Variants in ZFHX3 observed in about 807,000 individuals in gnomAD.
The protein encoded by ZFHX3 is zinc finger homeobox protein 3.
ZFHX3 carries 42 observed loss-of-function variants against 279.1 expected under a neutral mutation model. The ratio of observed to expected loss-of-function variants is 0.15; its 90% CI spans 0.12 to 0.19. The LOEUF is 0.19. Ranked by LOEUF, ZFHX3 falls within the 10% of genes least tolerant of loss-of-function variation. The probability of loss-of-function intolerance (pLI) is 1.00; values close to 1 mark genes in which losing one functional copy is unlikely to be tolerated. For missense variants in ZFHX3, 4,981 were observed against 4,754.0 expected (o/e 1.05, Z -1.40); for synonymous variants, 2,293 against 1,957.8 (o/e 1.17, Z -4.52).
intron 5 of ZFHX3, among the ~76,000 whole-genome samples, chr16:73,162,306 G>A (rs1263916148): frequency 2.6e-5 from 4 of 152,156 alleles, no homozygotes; most frequent in Admixed American, 2.6e-4. Flanking sequence ...CTGCACATGC[G>A]AGGGATCTAG....
chr16:73,778,661 C>A (rs1261986169), intron 1 of ZFHX3, among the ~76,000 whole-genome samples: 1 of 152,204 alleles, frequency 6.6e-6, no homozygotes, highest in African/African-American at 2.4e-5. Context: ...TGTGCCTCTG[C>A]ACAGCGCTAA....
intron 8 of ZFHX3, among the ~76,000 whole-genome samples, 159 bp downstream of exon 8, chr16:72,799,868 A>G (rs962454755): frequency 1.3e-5 from 2 of 152,226 alleles, no homozygotes; most frequent in African/African-American, 4.8e-5. Flanking sequence ...ACATGCCAAG[A>G]AGCAGAGTAT....
intron 1 of ZFHX3, among the ~76,000 whole-genome samples, chr16:73,032,686 GA>G (rs35908833): frequency 1.9e-4 from 28 of 146,480 alleles, no homozygotes; most frequent in African/African-American, 4.3e-4. Context: ...AAAAGAACAG[GA>G]AAAAAAAAAA....
At chr16:73,105,457 A>ATT (rs370445292) in intron 7 of ZFHX3, among the ~76,000 whole-genome samples, 1,857 of 120,486 alleles carry the variant, frequency 0.015, 77 homozygotes, top group African/African-American at 0.06. Flanking sequence ...ATATATATAT[A>ATT]TTTTTTCCCC....
intron 3 of ZFHX3, among the ~76,000 whole-genome samples, chr16:73,417,942 T>TCGCGCCACTG (rs2017625429): frequency 7.7e-6 from 1 of 129,356 alleles, no homozygotes; most frequent in South Asian, 2.4e-4. Context: ...TGAGCTGAGA[T>TCGCGCCACTG]CGCGCCACTG....
At chr16:73,020,588 A>G (rs570409527) in intron 1 of ZFHX3, among the ~76,000 whole-genome samples, 1 of 152,322 alleles carries the variant, frequency 6.6e-6, no homozygotes, top group Non-Finnish European at 1.5e-5. Flanking sequence ...TGACTTTGGC[A>G]GTGCTTGTCG....
chr16:73,261,692 T>TTTTTTG (rs61577479), intron 4 of ZFHX3, among the ~76,000 whole-genome samples: 1 of 128,826 alleles, frequency 7.8e-6, no homozygotes, highest in African/African-American at 2.8e-5. Context: ...TTTTTTTTTT[T>TTTTTTG]AGGACAGAGT....
chr16:72,958,757 C>T lies in ZFHX3; in HGVS notation c.1389G>A (p.Ala463=), dbSNP rs376777497. 86 of 1,613,908 alleles carry T rather than the reference C, an allele frequency of 5.3e-5. No individual in the cohort carries two copies. Among genetic ancestry groups the T allele is most frequent in the Non-Finnish European group, 6.8e-5 (80 of 1,180,008 alleles). The change falls in exon 2 of 10, where the codon GCG becomes GCA. Residue 463 remains alanine, a synonymous_variant. Coordinates refer to ENST00000268489, the MANE Select transcript of ZFHX3 (RefSeq NM_006885.4). The stretch of plus-strand genomic sequence containing the variant: ...CCTCTTCCTCCTCCTCTTCCTCCTC[C>T]GCCTCCTCTTCGGCTGGCTCTACCT... ...SEKVEPAEEE[A]EEEEEEEEAE... is the part of the protein sequence containing the mutation.
intron 2 of ZFHX3, among the ~76,000 whole-genome samples, chr16:73,592,741 GT>G (rs11333254): frequency 0.48 from 72,856 of 151,568 alleles, 19,939 homozygotes; most frequent in East Asian, 0.78. Context: ...TAATAAAAAG[GT>G]TTTTTTAAAT....
chr16:73,515,086 A>G (rs2019496489), intron 2 of ZFHX3, among the ~76,000 whole-genome samples: 1 of 152,218 alleles, frequency 6.6e-6, no homozygotes. Flanking sequence ...CCTTCCCAGA[A>G]TGTTTAGAGT....
intron 7 of ZFHX3, among the ~76,000 whole-genome samples, chr16:72,803,990 GA>G (rs2036190975): frequency 6.6e-6 from 1 of 152,166 alleles, no homozygotes; most frequent in African/African-American, 2.4e-5. Context: ...GGAAACTTGG[GA>G]AGAAACCATC....
At chr16:73,269,395 C>T (rs142911077) in intron 4 of ZFHX3, among the ~76,000 whole-genome samples, 1 of 152,288 alleles carries the variant, frequency 6.6e-6, no homozygotes, top group East Asian at 1.9e-4. Context: ...CTGCTTTTTC[C>T]ACAATGCCAT....
At chr16:73,225,376 G>A (rs1233956585) in intron 5 of ZFHX3, among the ~76,000 whole-genome samples, 2 of 152,132 alleles carry the variant, frequency 1.3e-5, no homozygotes, top group East Asian at 3.9e-4. Flanking sequence ...AGCACCTTGT[G>A]AGGCCGAGGT....
rs536129201 is a variant in ZFHX3, at chr16:73,849,488, A to T, written c.-1608+42163T>A. ...GTAAGTGATCGATTATACAATTTTA[A>T]AAAAGGATAACAGGGCCTGGTTTAA... On this transcript the variant is annotated intron_variant, in intron 1 of 17. Coordinates refer to the ZFHX3 transcript ENST00000641206. Among the ~76,000 whole-genome samples the T allele has an allele frequency of 2.0e-5, 3 of 152,332 alleles. No homozygotes were observed. In the South Asian group the frequency reaches 6.2e-4, roughly 32 times the overall value.
At chr16:73,469,332 G>C (rs995908973) in intron 2 of ZFHX3, among the ~76,000 whole-genome samples, 4 of 152,176 alleles carry the variant, frequency 2.6e-5, no homozygotes, top group Admixed American at 1.3e-4. Flanking sequence ...GGCCAGACAA[G>C]GTTCCTTGAA....
At chr16:73,482,251 A>T (rs775876325) in intron 2 of ZFHX3, among the ~76,000 whole-genome samples, 5 of 152,052 alleles carry the variant, frequency 3.3e-5, no homozygotes, top group Admixed American at 2.6e-4. Context: ...CCCAGTCCCT[A>T]CTCCTGCAGC....
rs916039198 is a variant in ZFHX3 at position 73,347,339 on chromosome 16, G to A, written c.-1290-29003C>T. ...TCTGCTCTCCAGGCCTGGATGCCCC[G>A]TAACAGGTATTCCTGCAGCCCACAA... On this transcript the variant is annotated intron_variant, in intron 3 of 17. Coordinates refer to the ZFHX3 transcript ENST00000641206. Among the ~76,000 whole-genome samples, 12 of 152,296 alleles carry A rather than the reference G, an allele frequency of 7.9e-5. No individual in the cohort carries two copies. The South Asian group carries it at 1.0e-3, about 13-fold the overall frequency.
intron 7 of ZFHX3, among the ~76,000 whole-genome samples, chr16:73,098,282 C>T (rs1344393635): frequency 6.6e-6 from 1 of 152,054 alleles, no homozygotes; most frequent in Admixed American, 6.6e-5. Flanking sequence ...ATTGGCCAGG[C>T]TGGTCTCGAA....
chr16:72,994,546 G>A (rs908777170), intron 1 of ZFHX3, among the ~76,000 whole-genome samples: 1 of 152,212 alleles, frequency 6.6e-6, no homozygotes, highest in Non-Finnish European at 1.5e-5. Flanking sequence ...AGGGGGCCTG[G>A]CTATGGCAGC....
Sources: allele counts gnomAD v4.1 joint callset (sites outside exome capture counted in the v4.1 genomes callset), GRCh38; gene constraint gnomAD v4.1.1; transcripts MANE v1.5; gene names NCBI Gene and HGNC (gene_info 2026-07-23, HGNC 2026-07-21).